Variants in RBM4B observed in about 807,000 individuals in gnomAD.
The protein encoded by RBM4B is RNA binding motif protein 4B, also known as RNA-binding protein 4B.
Under a neutral mutation model 28.5 loss-of-function variants are expected in RBM4B, and 13 were observed. The observed-to-expected ratio is 0.46, with a 90% CI of 0.30 to 0.72. The LOEUF is 0.72. RBM4B is among the 30% of genes least tolerant of loss of function. The pLI, the probability that RBM4B is intolerant of heterozygous loss-of-function variation, is 0.09. For missense variants in RBM4B, 387 were observed against 477.6 expected (o/e 0.81, Z 1.77); for synonymous variants, 167 against 179.1 (o/e 0.93, Z 0.54).
Position 66,671,411 on chromosome 11 carries a change from A to G in RBM4B, c.413-2120T>C, listed in dbSNP as rs537433748. On this transcript the variant is annotated intron_variant, in intron 2 of 3. Transcript: ENST00000310046. The stretch of plus-strand genomic sequence containing the variant: ...AAGATTATAAATGACTTGGCTTTCA[A>G]ATATACATGGTGACATTAAGCTATG... Among the ~76,000 whole-genome samples, 6 of 152,322 alleles carry G rather than the reference A, an allele frequency of 3.9e-5. No individual in the cohort carries two copies. In the East Asian group the frequency reaches 9.6e-4, roughly 24 times the overall value.
chr11:66,671,983 G>A (rs1050506351), intron 2 of RBM4B, among the ~76,000 whole-genome samples: 11 of 151,902 alleles, frequency 7.2e-5, no homozygotes, highest in Non-Finnish European at 1.0e-4. Flanking sequence ...TCCTGACTTC[G>A]TGATCCACCC....
intron 3 of RBM4B, 35 bp downstream of exon 3, chr11:66,668,576 CTAAA>C (rs1218649985): frequency 6.6e-7 from 1 of 1,513,718 alleles, no homozygotes; most frequent in Non-Finnish European, 9.0e-7. Flanking sequence ...TTCAAGGGAA[CTAAA>C]TGGAATCTTT....
At chr11:66,672,644 C>A (rs968610243) in intron 2 of RBM4B, among the ~76,000 whole-genome samples, 1 of 151,408 alleles carries the variant, frequency 6.6e-6, no homozygotes, top group Non-Finnish European at 1.5e-5. Context: ...TGCAGGCGCA[C>A]GCTACCACAC....
Position 66,676,737 on chromosome 11 carries a change from A to T in RBM4B, c.343T>A (p.Phe115Ile). The T allele has an allele frequency of 6.2e-7, 1 of 1,614,094 alleles. No individual in the cohort carries two copies. The change falls in exon 2 of 4, where the codon TTC becomes ATC. Residue 115 changes from phenylalanine (F) to isoleucine (I), a missense_variant. Physicochemically the swap from Phe to Ile is conservative, Grantham distance 21. This residue lies in a region of RBM4B where 161 missense variants were observed against 256.9 expected (regional missense o/e 0.63). Transcript: ENST00000310046. ...TCCTCTGCCCGCTCCATGTGTACGA[A>T]GGCATAATCTTTCACGATGTCACAT... ...IECDIVKDYA[F>I]VHMERAEDAV...
At chr11:66,672,478 C>T (rs1350652874) in intron 2 of RBM4B, among the ~76,000 whole-genome samples, 4 of 145,090 alleles carry the variant, frequency 2.8e-5, no homozygotes, top group Non-Finnish European at 6.0e-5. Flanking sequence ...TATAATTAGC[C>T]TTTTAATTTA....
chr11:66,666,243 TGGCTGGGG>T, intron 3 of RBM4B: 1 of 1,007,586 alleles, frequency 9.9e-7, no homozygotes, highest in Non-Finnish European at 1.3e-6. Flanking sequence ...CAGACACCAA[TGGCTGGGG>T]GAAAAAAAAA....
intron 3 of RBM4B, 196 bp downstream of exon 3, chr11:66,668,419 G>C (rs1038386563): frequency 7.6e-6 from 4 of 529,728 alleles, no homozygotes; most frequent in African/African-American, 1.9e-5. Context: ...AAGTTGGTTG[G>C]AGTCATACAC....
chr11:66,673,523 G>C (rs929557082), intron 2 of RBM4B, among the ~76,000 whole-genome samples: 1 of 152,148 alleles, frequency 6.6e-6, no homozygotes, highest in Non-Finnish European at 1.5e-5. Context: ...GCGGTGGCAC[G>C]GTCTTGACTC....
chr11:66,665,387 A>C lies in RBM4B; in HGVS notation c.*201T>G. 1 of 618,714 alleles carries C rather than the reference A, an allele frequency of 1.6e-6. No homozygotes were observed. 38.3% of individuals were successfully genotyped at this position (618,714 alleles called of 1,614,324 possible). ...CTGAGAATATAAGGAACAGAGTGAA[A>C]GGCTACAGAGACTAGTTTCAGGAGG... On this transcript the variant is annotated 3_prime_UTR_variant, in exon 4 of 4. Transcript: ENST00000310046.
At position 66,677,109 on chromosome 11, in the gene RBM4B, G is replaced by A. The variant is rs768107630; in HGVS notation, c.-12-18C>T. ...ACAAGAGCCTGGGAGAGAAACACAA[G>A]ACTTCAAAAGTCAGGGGTGTGGTGG... On this transcript the variant is annotated intron_variant, in intron 1 of 3. Transcript: ENST00000310046. 1 of 1,603,708 alleles carries A rather than the reference G, an allele frequency of 6.2e-7. No individual in the cohort carries two copies. Among genetic ancestry groups the A allele is most frequent in the East Asian group, 2.2e-5 (1 of 44,634 alleles).
At chr11:66,669,314 G>A (rs1939380185) in intron 2 of RBM4B, 23 bp from the exon 3 acceptor site, 1 of 1,597,372 alleles carries the variant, frequency 6.3e-7, no homozygotes, top group Non-Finnish European at 8.6e-7. Context: ...GATGTAAGAA[G>A]ATTTATTTTA....
intron 2 of RBM4B, 84 bp downstream of exon 2, chr11:66,676,584 C>A (rs1392710573): frequency 6.8e-7 from 1 of 1,469,764 alleles, no homozygotes; most frequent in East Asian, 2.3e-5. Context: ...AAGAGACCAC[C>A]CAGCAAGTTC....
At chr11:66,667,401 C>T (rs575466632) in intron 3 of RBM4B, 1 of 152,142 alleles carries the variant, frequency 6.6e-6, no homozygotes, top group Non-Finnish European at 1.5e-5. Context: ...TATCTAACTC[C>T]TTAAATGTTC....
intron 3 of RBM4B, chr11:66,667,091 A>G (rs1207390598): frequency 6.6e-6 from 1 of 152,042 alleles, no homozygotes; most frequent in Non-Finnish European, 1.5e-5. Context: ...CATATATACC[A>G]AAGGGATAAG....
rs111334132 is a variant in RBM4B at position 66,676,708 on chromosome 11, T to C, written c.372A>G (p.Ala124=). ...AFVHMERAED[A]VEAIRGLDNT... ...TGTCAAGGCCCCTGATGGCCTCCAC[T>C]GCATCCTCTGCCCGCTCCATGTGTA... Residue 124 remains alanine (A), a synonymous_variant, in exon 2 of 4, where the codon GCA becomes GCG. Transcript: ENST00000310046. 1.3e-5 allele frequency: 21 copies of C among 1,614,084 alleles called. No homozygotes were observed. The highest frequency in any genetic ancestry group is 1.1e-4 in the African/African-American group (8 of 75,028).
At chr11:66,669,596 G>A (rs534688660) in intron 2 of RBM4B, among the ~76,000 whole-genome samples, 1 of 152,208 alleles carries the variant, frequency 6.6e-6, no homozygotes, top group South Asian at 2.1e-4. Flanking sequence ...ACAGGCATGC[G>A]CTGCCATGCC....
chr11:66,670,679 T>C (rs1213688188), intron 2 of RBM4B, among the ~76,000 whole-genome samples: 2 of 152,066 alleles, frequency 1.3e-5, no homozygotes, highest in Admixed American at 1.3e-4. Context: ...GCTTTCCAAA[T>C]TGTAGCCAAA....
chr11:66,677,055 G>A lies in RBM4B; in HGVS notation c.25C>T (p.Leu9Phe), dbSNP rs2135254234. ...TCCTGCTCTGTAGCCTCCCGGGGAA[G>A]GTTTCCGATGAACAGCTTCACCATC... MVKLFIGN[L>F]PREATEQEIR... The change falls in exon 2 of 4, where the codon CTT (leucine) becomes TTT (phenylalanine). Residue 9 changes from leucine (L) to phenylalanine (F), a missense_variant. This residue lies in a region of RBM4B where 161 missense variants were observed against 256.9 expected (regional missense o/e 0.63). Transcript: ENST00000310046. The A allele has an allele frequency of 1.9e-6, 3 of 1,614,024 alleles. No individual in the cohort carries two copies. Among genetic ancestry groups the A allele is most frequent in the South Asian group, 1.1e-5 (1 of 91,082 alleles).
In RBM4B at chr11:66,677,341, G is replaced by GA. The variant is rs1939673199; in HGVS notation, c.-12-251dup. On this transcript the variant is annotated intron_variant, in intron 1 of 3. Coordinates refer to ENST00000310046, the MANE Select transcript of RBM4B (RefSeq NM_031492.4). ...TCATCTCCGTGAAGTGGAGCGCAAT[G>GA]AAATACCAGAATTAGCTGCTTCATG... 3 of 547,612 alleles carry GA rather than the reference G, an allele frequency of 5.5e-6. No homozygotes were observed. In the South Asian group the frequency reaches 7.1e-5, roughly 13 times the overall value. The allele number at this position is 547,612 out of a possible 1,614,324, so 33.9% of individuals were successfully genotyped here.
Sources: gnomAD v4.1 joint callset for allele counts (sites outside exome capture counted in the v4.1 genomes callset) on GRCh38, gnomAD v4.1.1 for gene constraint, gnomAD v4.1.1 regional missense constraint, MANE v1.5 for transcripts, NCBI Gene and HGNC (gene_info 2026-07-23, HGNC 2026-07-21) for gene names.